C7: variants seen among roughly 807,000 people sequenced by gnomAD.
C7 encodes the protein complement component C7.
A neutral mutation model predicts 104.8 loss-of-function variants in C7; 83 were observed. The ratio of observed to expected loss-of-function variants is 0.79; its 90% confidence interval spans 0.66 to 0.95. C7 has a LOEUF of 0.95. Ranked by LOEUF, C7 falls within the 40% of genes least tolerant of loss-of-function variation. The pLI, the probability that C7 is intolerant of heterozygous loss-of-function variation, is 0.00. For synonymous variants in C7, 415 were observed against 360.6 expected (o/e 1.15, Z -1.71); for missense variants, 1,070 against 1,011.2 (o/e 1.06, Z -0.79).
At chr5:40,934,597 C>T (rs2111591683) in intron 4 of C7, 131 bp downstream of exon 4, 1 of 905,024 alleles carries the variant, frequency 1.1e-6, no homozygotes, top group Non-Finnish European at 1.7e-6. Context: ...CAAATATCAT[C>T]AGGATTTTTG....
intron 1 of C7, 50 bp from the exon 2 acceptor site, chr5:40,928,530 A>G: frequency 9.5e-7 from 1 of 1,056,536 alleles, no homozygotes; most frequent in East Asian, 2.6e-5. Context: ...ATTTATAGTT[A>G]TAAAAAGAAA....
rs372551834 is a variant in C7 at position 40,978,873 on chromosome 5, A to ATTTTTTTTTTTTTTTTTTT, written c.2166-846_2166-828dup. 1.5e-4 allele frequency among the ~76,000 whole-genome samples: 12 copies of ATTTTTTTTTTTTTTTTTTT among 80,080 alleles called. 1 individual carries two copies. Among genetic ancestry groups the ATTTTTTTTTTTTTTTTTTT allele is most frequent in the East Asian group, 3.6e-4 (1 of 2,810 alleles). The allele number at this position is 80,080 out of a possible 152,430, so 52.5% of individuals were successfully genotyped here. A position where few individuals can be genotyped will look rare whatever the true frequency, so the allele number is the denominator to read the frequency against. ...GAGGAAGGTAACACATTTTATGGAA[A>ATTTTTTTTTTTTTTTTTTT]TTTTTTTTTTTTTTTTTTTTTTTTG... On this transcript the variant is annotated intron_variant, in intron 16 of 17. Coordinates refer to ENST00000313164, the MANE Select transcript of C7 (RefSeq NM_000587.4).
At chr5:40,937,380 G>C (rs1274493668) in intron 5 of C7, 172 bp from the exon 6 acceptor site, 1 of 451,274 alleles carries the variant, frequency 2.2e-6, no homozygotes, top group Non-Finnish European at 3.8e-6. Context: ...ATAATGTATG[G>C]TGTGTATTAG....
At chr5:40,932,552 A>T (rs971151857) in intron 3 of C7, among the ~76,000 whole-genome samples, 2 of 152,204 alleles carry the variant, frequency 1.3e-5, no homozygotes, top group African/African-American at 4.8e-5. Flanking sequence ...AAGCATCATC[A>T]TTAAGATCAG....
intron 7 of C7, among the ~76,000 whole-genome samples, chr5:40,946,628 A>C (rs1417634733): frequency 6.6e-6 from 1 of 152,198 alleles, no homozygotes. Flanking sequence ...ATGGGAGATA[A>C]ATCATACCTA....
chr5:40,968,565 ATTT>A (rs72086343), intron 14 of C7, among the ~76,000 whole-genome samples: 17,055 of 60,028 alleles, frequency 0.28, 2,363 homozygotes, highest in South Asian at 0.52. Flanking sequence ...AATTATATAT[ATTT>A]TATATATATA....
rs755950201 is a variant in C7 at position 40,945,294 on chromosome 5, C to T, written c.664C>T (p.Arg222Cys). The T allele has an allele frequency of 8.7e-6, 14 of 1,607,628 alleles. No homozygotes were observed. The highest frequency in any genetic ancestry group is 3.4e-5 in the Admixed American group (2 of 59,218). The change falls in exon 7 of 18, where the codon CGC (arginine) becomes TGC (cysteine). Residue 222 changes from arginine to cysteine, a missense_variant. Coordinates refer to ENST00000313164, the MANE Select transcript of C7 (RefSeq NM_000587.4). ...STEHTSSSRK[R>C]SFFRSSSSSS... ...AGAACACACATCATCTAGTCGGAAGCGCTCCTTTTTTAGATCTTCATCATC... is the reference window on the plus strand; with the variant it reads ...AGAACACACATCATCTAGTCGGAAGTGCTCCTTTTTTAGATCTTCATCATC...
chr5:40,958,658 T>C (rs889638018), intron 11 of C7, among the ~76,000 whole-genome samples: 6 of 152,230 alleles, frequency 3.9e-5, no homozygotes, highest in Non-Finnish European at 8.8e-5. Flanking sequence ...TGTGATGTAC[T>C]ATCAATCACT....
At chr5:40,974,608 C>T (rs913683862) in intron 15 of C7, among the ~76,000 whole-genome samples, 3 of 151,866 alleles carry the variant, frequency 2.0e-5, no homozygotes, top group African/African-American at 4.8e-5. Context: ...TTAGCAGAGA[C>T]GGGGTTTCAC....
In C7 at chr5:40,958,175, T is replaced by C; in HGVS notation, c.1403T>C (p.Val468Ala). 1.2e-6 allele frequency: 2 copies of C among 1,613,852 alleles called. No homozygotes were observed. The highest frequency in any genetic ancestry group is 1.7e-6 in the Non-Finnish European group (2 of 1,179,774). Reference protein sequence around the residue: ...RPCQNGGLATVEGTHCLCHCK... With the variant: ...RPCQNGGLATAEGTHCLCHCK... Reference sequence around the variant, plus strand: ...TGTCAAAATGGTGGTTTGGCTACTGTTGAGGGGACCCATTGTCTGTGCCAT... The same window carrying C: ...TGTCAAAATGGTGGTTTGGCTACTGCTGAGGGGACCCATTGTCTGTGCCAT... Residue 468 changes from valine (V) to alanine (A), a missense_variant, in exon 11 of 18, where the codon GTT becomes GCT. Coordinates refer to ENST00000313164, the MANE Select transcript of C7 (RefSeq NM_000587.4).
chr5:40,943,340 T>C (rs6875226), intron 6 of C7, among the ~76,000 whole-genome samples: 25,871 of 152,100 alleles, frequency 0.17, 2,216 homozygotes, highest in African/African-American at 0.18. Flanking sequence ...ATGGTTGAAT[T>C]TGGGATTTCA....
intron 10 of C7, among the ~76,000 whole-genome samples, chr5:40,956,613 A>AAAAC (rs1740295822): frequency 6.6e-6 from 1 of 152,372 alleles, no homozygotes; most frequent in East Asian, 1.9e-4. Flanking sequence ...TCCCCTTATC[A>AAAAC]AAACAAACAT....
chr5:40,968,334 C>A (rs1740603090), intron 14 of C7, among the ~76,000 whole-genome samples: 1 of 151,468 alleles, frequency 6.6e-6, no homozygotes, highest in East Asian at 1.9e-4. Context: ...CCATGTTGGC[C>A]AGGCTGGTCT....
chr5:40,956,621 CATT>C (rs1316248993), intron 10 of C7, among the ~76,000 whole-genome samples: 3 of 152,200 alleles, frequency 2.0e-5, no homozygotes, highest in African/African-American at 7.2e-5. Flanking sequence ...TCAAAACAAA[CATT>C]ATAGCAGAAC....
At chr5:40,938,592 G>T (rs939223543) in intron 6 of C7, among the ~76,000 whole-genome samples, 3 of 152,150 alleles carry the variant, frequency 2.0e-5, no homozygotes, top group African/African-American at 4.8e-5. Context: ...ACTAGGTAAA[G>T]TATCCAAAAT....
At chr5:40,941,105 C>T (rs549732820) in intron 6 of C7, among the ~76,000 whole-genome samples, 2 of 151,286 alleles carry the variant, frequency 1.3e-5, no homozygotes, top group Admixed American at 6.6e-5. Context: ...ACCCATTTGC[C>T]CAGGCTGGAG....
chr5:40,968,668 G>C (rs180673674), intron 14 of C7, among the ~76,000 whole-genome samples: 2 of 130,018 alleles, frequency 1.5e-5, no homozygotes, highest in East Asian at 4.7e-4. Flanking sequence ...CTGAAGTGCA[G>C]TGGTGCAATC....
intron 12 of C7, among the ~76,000 whole-genome samples, chr5:40,960,825 G>A (rs560815455): frequency 1.3e-5 from 2 of 152,230 alleles, no homozygotes; most frequent in East Asian, 3.9e-4. Context: ...GATAATATTA[G>A]TGTTATTTTG....
chr5:40,961,853 T>A (rs1472191865), intron 12 of C7, among the ~76,000 whole-genome samples: 1 of 152,208 alleles, frequency 6.6e-6, no homozygotes, highest in African/African-American at 2.4e-5. Flanking sequence ...TTTTTCATAC[T>A]ACTGACCTAG....
Sources: gnomAD v4.1 joint callset for allele counts (sites outside exome capture counted in the v4.1 genomes callset) on GRCh38, gnomAD v4.1.1 for gene constraint, MANE v1.5 for transcripts, NCBI Gene and HGNC (gene_info 2026-07-23, HGNC 2026-07-21) for gene names.